Variants in CHD1L observed in about 807,000 individuals in gnomAD.
The protein encoded by CHD1L is chromodomain helicase DNA binding protein 1 like, also known as ATP-dependent chromatin remodeler CHD1L.
CHD1L carries 118 observed loss-of-function variants against 115.9 expected under a neutral mutation model. That is an observed-to-expected ratio of 1.02 (90% confidence interval 0.88 to 1.19). The LOEUF (loss-of-function observed/expected upper bound fraction) is 1.19, where lower values mean the gene tolerates loss of function less well. CHD1L is among the 50% of genes most tolerant of loss of function. The pLI is 0.00. For missense variants in CHD1L, 1,179 were observed against 1,065.3 expected (o/e 1.11, Z -1.49); for synonymous variants, 411 against 387.1 (o/e 1.06, Z -0.72).
At chr1:147,211,189 T>C in the CHD1L span, 6 of 152,200 alleles carry the variant, frequency 3.9e-5, no homozygotes, top group South Asian at 2.1e-4. Context: ...TGCTTTGTTA[T>C]GTGGCAACCT....
At chr1:147,262,878 C>T (rs1672460451) in intron 6 of CHD1L, among the ~76,000 whole-genome samples, 1 of 152,046 alleles carries the variant, frequency 6.6e-6, no homozygotes, top group South Asian at 2.1e-4. Flanking sequence ...CCCAGTAATC[C>T]TACTCCTACA....
the CHD1L span, among the ~76,000 whole-genome samples, chr1:147,200,777 T>C: frequency 6.6e-6 from 1 of 152,200 alleles, no homozygotes; most frequent in Non-Finnish European, 1.5e-5. Context: ...AAGATAAAAC[T>C]ATTTTACTTC....
intron 4 of CHD1L, among the ~76,000 whole-genome samples, chr1:147,256,221 A>C (rs1431920716): frequency 6.6e-6 from 1 of 152,128 alleles, no homozygotes; most frequent in Non-Finnish European, 1.5e-5. Context: ...AGGCAGGGGA[A>C]AGGGTTTTGT....
At chr1:147,212,272 G>T in the CHD1L span, 1 of 991,562 alleles carries the variant, frequency 1.0e-6, no homozygotes. Flanking sequence ...CCCTATATTT[G>T]CCACTGGCAC....
chr1:147,179,529 TTAAG>T, the CHD1L span: 1 of 1,584,278 alleles, frequency 6.3e-7, no homozygotes, highest in Non-Finnish European at 8.7e-7. Context: ...TGGCCATGAA[TTAAG>T]TGATTTTATT....
chr1:147,182,497 T>A, the CHD1L span, among the ~76,000 whole-genome samples: 1 of 151,928 alleles, frequency 6.6e-6, no homozygotes, highest in African/African-American at 2.4e-5. Context: ...TAAATCTTAT[T>A]TAAGTCATTG....
the CHD1L span, chr1:147,203,769 C>G: frequency 6.5e-7 from 1 of 1,535,708 alleles, no homozygotes; most frequent in Non-Finnish European, 9.0e-7. Context: ...ACTGCCCTTT[C>G]TATGTCATCC....
At chr1:147,279,804 A>T (rs1680091515) in intron 14 of CHD1L, among the ~76,000 whole-genome samples, 1 of 152,144 alleles carries the variant, frequency 6.6e-6, no homozygotes, top group Non-Finnish European at 1.5e-5. Flanking sequence ...AGAATTGTCA[A>T]AGTCAATACC....
At chr1:147,279,272 T>G (rs1553960158) in intron 14 of CHD1L, among the ~76,000 whole-genome samples, 1 of 152,142 alleles carries the variant, frequency 6.6e-6, no homozygotes, top group Non-Finnish European at 1.5e-5. Flanking sequence ...TGAATCCACC[T>G]TGGGTCAGGA....
intron 2 of CHD1L, 37 bp from the exon 3 acceptor site, chr1:147,254,833 A>G (rs781884897): frequency 2.1e-6 from 3 of 1,447,024 alleles, no homozygotes; most frequent in African/African-American, 1.4e-5. Context: ...TCATGGGGAA[A>G]TGTGATCAAA....
rs1275194403 is a variant in CHD1L, at chr1:147,252,798, G to C, written c.240+63G>C. 2.3e-6 allele frequency: 3 copies of C among 1,314,188 alleles called. No individual in the cohort carries two copies. In the African/African-American group the frequency reaches 4.3e-5, roughly 19 times the overall value. The allele number at this position is 1,314,188 out of a possible 1,614,324, so 81.4% of individuals were successfully genotyped here. A position where few individuals can be genotyped will look rare whatever the true frequency, so the allele number is the denominator to read the frequency against. On this transcript the variant is annotated intron_variant, in intron 2 of 22. Coordinates refer to ENST00000369258, the MANE Select transcript of CHD1L (RefSeq NM_004284.6). ...GCGATACTTCCTTATAACTCATTCT[G>C]GAGCTGAGAGCTCTGGAGCTAAAAC...
intron 15 of CHD1L, among the ~76,000 whole-genome samples, chr1:147,282,572 C>A (rs1339331614): frequency 1.3e-5 from 2 of 152,290 alleles, no homozygotes; most frequent in Non-Finnish European, 2.9e-5. Context: ...ACTTTTTCAT[C>A]CACCATTGCC....
In CHD1L at chr1:147,276,043, A is replaced by G. The variant is rs191546825; in HGVS notation, c.1386-61A>G. On this transcript the variant is annotated intron_variant, in intron 13 of 22. Transcript: ENST00000369258. ...TTGCTTTTAGATGTATTTACCTTGC[A>G]TACTTTTGCCCAGCTTTGCACACCC... 30 of 1,531,670 alleles carry G rather than the reference A, an allele frequency of 2.0e-5. No individual in the cohort carries two copies. In the East Asian group the frequency reaches 6.3e-4, roughly 32 times the overall value. 94.9% of individuals were successfully genotyped at this position (1,531,670 alleles called of 1,614,324 possible).
At chr1:147,284,530 T>C in intron 16 of CHD1L, 31 bp downstream of exon 16, 1 of 1,511,848 alleles carries the variant, frequency 6.6e-7, no homozygotes, top group Non-Finnish European at 8.8e-7. Context: ...TAAAAGTTGT[T>C]CTTCCAAACT....
the CHD1L span, among the ~76,000 whole-genome samples, chr1:147,226,746 C>T: frequency 6.6e-6 from 1 of 152,108 alleles, no homozygotes; most frequent in African/African-American, 2.4e-5. Context: ...TGAGAGGCAA[C>T]TGATATTTTG....
the CHD1L span, chr1:147,190,387 G>A: frequency 5.2e-6 from 3 of 575,204 alleles, no homozygotes; most frequent in Non-Finnish European, 9.2e-6. Flanking sequence ...CAATTCACTT[G>A]ATCACCTTAC....
chr1:147,228,199 C>T, the CHD1L span, among the ~76,000 whole-genome samples: 1 of 151,510 alleles, frequency 6.6e-6, no homozygotes, highest in Non-Finnish European at 1.5e-5. Context: ...GTCATGTTCC[C>T]CTTCCTGTCT....
At chr1:147,267,358 G>T in intron 8 of CHD1L, 68 bp from the exon 9 acceptor site, 1 of 1,170,588 alleles carries the variant, frequency 8.5e-7, no homozygotes, top group East Asian at 2.4e-5. Flanking sequence ...TAAAAACTCA[G>T]GGTTTTGGTT....
At chr1:147,209,114 C>A in the CHD1L span, 3 of 1,428,648 alleles carry the variant, frequency 2.1e-6, no homozygotes, top group South Asian at 1.2e-5. Flanking sequence ...AAAAGCACCC[C>A]CATTTTCTTC....
Sources: gnomAD v4.1 joint callset for allele counts (sites outside exome capture counted in the v4.1 genomes callset) on GRCh38, gnomAD v4.1.1 for gene constraint, MANE v1.5 for transcripts, NCBI Gene and HGNC (gene_info 2026-07-23, HGNC 2026-07-21) for gene names.